PCSK2: variants seen among roughly 807,000 people sequenced by gnomAD.
PCSK2 encodes neuroendocrine convertase 2.
A neutral mutation model predicts 69.7 loss-of-function variants in PCSK2; 14 were observed. That is an observed-to-expected ratio of 0.20 (90% CI 0.13 to 0.31). The LOEUF (loss-of-function observed/expected upper bound fraction) is 0.31, where lower values mean the gene tolerates loss of function less well. Among genes scored for constraint, PCSK2 ranks in the 10% least tolerant of loss-of-function variants. The pLI, the probability that PCSK2 is intolerant of heterozygous loss-of-function variation, is 1.00. For synonymous variants in PCSK2, 307 were observed against 320.7 expected (o/e 0.96, Z 0.46); for missense variants, 544 against 842.5 (o/e 0.65, Z 4.39).
intron 1 of PCSK2, among the ~76,000 whole-genome samples, chr20:17,237,367 G>A (rs1380423454): frequency 3.3e-5 from 5 of 152,226 alleles, no homozygotes; most frequent in African/African-American, 1.2e-4. Flanking sequence ...GCTATGGCAA[G>A]AAATAGGATT....
At chr20:17,271,969 A>G (rs938300638) in intron 2 of PCSK2, among the ~76,000 whole-genome samples, 20 of 152,112 alleles carry the variant, frequency 1.3e-4, no homozygotes, top group Non-Finnish European at 2.6e-4. Context: ...AAGGTAGTCC[A>G]CATAAAAGTT....
intron 2 of PCSK2, among the ~76,000 whole-genome samples, chr20:17,312,049 A>G (rs1989533648): frequency 1.3e-5 from 2 of 152,206 alleles, no homozygotes; most frequent in African/African-American, 4.8e-5. Flanking sequence ...TGCAACCTCT[A>G]TTATTGAGAA....
At position 17,482,150 on chromosome 20, in the gene PCSK2, A is replaced by C. The variant is rs1271683237; in HGVS notation, c.*80A>C. 1.5e-6 allele frequency: 2 copies of C among 1,353,668 alleles called. No individual in the cohort carries two copies. Among genetic ancestry groups the C allele is most frequent in the East Asian group, 4.8e-5 (2 of 41,526 alleles). The allele number at this position is 1,353,668 out of a possible 1,614,324, so 83.9% of individuals were successfully genotyped here. A position where few individuals can be genotyped will look rare whatever the true frequency, so the allele number is the denominator to read the frequency against. On this transcript the variant is annotated 3_prime_UTR_variant, in exon 12 of 12. Transcript: ENST00000262545. Reference sequence around the variant, plus strand: ...CGCTCCACGTTTCAGGCAGGCACCTAGCAATTCCATCACCCGTACAGGCAA... The same window carrying C: ...CGCTCCACGTTTCAGGCAGGCACCTCGCAATTCCATCACCCGTACAGGCAA...
chr20:17,414,662 G>T (rs978031618), intron 6 of PCSK2, among the ~76,000 whole-genome samples: 5 of 152,054 alleles, frequency 3.3e-5, no homozygotes, highest in African/African-American at 1.2e-4. Flanking sequence ...AGAAAAAGAG[G>T]GAATCCTCCC....
At chr20:17,467,725 A>G (rs1028838938) in intron 11 of PCSK2, among the ~76,000 whole-genome samples, 1 of 152,194 alleles carries the variant, frequency 6.6e-6, no homozygotes, top group Non-Finnish European at 1.5e-5. Context: ...TTTCCTCACC[A>G]GTAAAACGGA....
At chr20:17,294,119 T>TTG (rs1221384854) in intron 2 of PCSK2, among the ~76,000 whole-genome samples, 4 of 146,938 alleles carry the variant, frequency 2.7e-5, no homozygotes, top group African/African-American at 1.0e-4. Flanking sequence ...TTTTTTTTTT[T>TTG]TTTGAGACGG....
chr20:17,303,521 A>ATATT (rs1491120307), intron 2 of PCSK2, among the ~76,000 whole-genome samples: 5 of 80,700 alleles, frequency 6.2e-5, no homozygotes, highest in Non-Finnish European at 8.6e-5. Context: ...TATATAATAT[A>ATATT]ATATATATTA....
chr20:17,479,260 G>C (rs3790337), intron 11 of PCSK2: 12 of 1,136,978 alleles, frequency 1.1e-5, no homozygotes, highest in Non-Finnish European at 4.0e-6. Context: ...GCTTTTCCCA[G>C]CTTAGGCAGA....
intron 2 of PCSK2, among the ~76,000 whole-genome samples, chr20:17,279,861 T>C (rs1988238753): frequency 6.6e-6 from 1 of 152,180 alleles, no homozygotes; most frequent in African/African-American, 2.4e-5. Context: ...AATTGCTGAT[T>C]GTATTCTTGA....
chr20:17,227,495 A>C lies in PCSK2; in HGVS notation c.177+13A>C. The C allele has an allele frequency of 6.2e-7, 1 of 1,607,630 alleles. No homozygotes were observed. Among genetic ancestry groups the C allele is most frequent in the Non-Finnish European group, 8.5e-7 (1 of 1,174,786 alleles). The stretch of plus-strand genomic sequence containing the variant: ...TGGAGTCCGAAAGGTAAGCTCTCCC[A>C]TGCATTTCGCATGTTGTTTCAAAAC... On this transcript the variant is annotated intron_variant, in intron 1 of 11. Coordinates refer to ENST00000262545, the MANE Select transcript of PCSK2 (RefSeq NM_002594.5).
intron 8 of PCSK2, among the ~76,000 whole-genome samples, chr20:17,443,919 A>T (rs980773958): frequency 3.3e-5 from 5 of 152,178 alleles, no homozygotes; most frequent in African/African-American, 1.2e-4. Flanking sequence ...ACATTATTTC[A>T]CATTTGACTT....
At chr20:17,268,110 T>G (rs1441277258) in intron 2 of PCSK2, among the ~76,000 whole-genome samples, 1 of 148,714 alleles carries the variant, frequency 6.7e-6, no homozygotes, top group Non-Finnish European at 1.5e-5. Context: ...TGATTATATG[T>G]GTATGCTTAT....
At chr20:17,422,019 A>C (rs1248853877) in intron 6 of PCSK2, among the ~76,000 whole-genome samples, 1 of 152,144 alleles carries the variant, frequency 6.6e-6, no homozygotes, top group Admixed American at 6.5e-5. Flanking sequence ...TCAGAGTGAT[A>C]AATGCATGGG....
chr20:17,425,862 G>T (rs935037338), intron 6 of PCSK2, among the ~76,000 whole-genome samples: 1 of 152,090 alleles, frequency 6.6e-6, no homozygotes, highest in Non-Finnish European at 1.5e-5. Context: ...TATGGGCCAG[G>T]TTAACAAATA....
chr20:17,335,700 G>A (rs1990330226), intron 2 of PCSK2, among the ~76,000 whole-genome samples: 3 of 150,918 alleles, frequency 2.0e-5, no homozygotes, highest in Non-Finnish European at 2.9e-5. Flanking sequence ...GTATGCCTTT[G>A]TGTCCTCATA....
intron 5 of PCSK2, among the ~76,000 whole-genome samples, chr20:17,395,151 C>T (rs1368319762): frequency 1.3e-5 from 2 of 152,192 alleles, no homozygotes; most frequent in Non-Finnish European, 2.9e-5. Flanking sequence ...ACTCTATTTG[C>T]ATCTTCTCTT....
chr20:17,405,238 GT>G (rs969376608), intron 5 of PCSK2, among the ~76,000 whole-genome samples: 4 of 152,316 alleles, frequency 2.6e-5, no homozygotes, highest in African/African-American at 9.6e-5. Context: ...AACCAAGTCT[GT>G]TTGACTTGAA....
chr20:17,227,118 C>T lies in PCSK2; in HGVS notation c.-188C>T, dbSNP rs1314057811. The T allele has an allele frequency of 1.8e-6, 1 of 562,176 alleles. No homozygotes were observed. The highest frequency in any genetic ancestry group is 3.1e-6 in the Non-Finnish European group (1 of 319,338). The allele number at this position is 562,176 out of a possible 1,614,324, so 34.8% of individuals were successfully genotyped here. ...CCGGGCCGCCTGACTGCACGGCTTC[C>T]CCTCCAGCCAGATGCTGGAGAACAC... On this transcript the variant is annotated 5_prime_UTR_variant, in exon 1 of 12. Transcript: ENST00000262545.
chr20:17,404,176 C>T (rs1435427918), intron 5 of PCSK2, among the ~76,000 whole-genome samples: 1 of 152,196 alleles, frequency 6.6e-6, no homozygotes, highest in Non-Finnish European at 1.5e-5. Flanking sequence ...TGGCGCAATG[C>T]ACAACCTGCA....
Sources: allele counts gnomAD v4.1 joint callset (sites outside exome capture counted in the v4.1 genomes callset), GRCh38; gene constraint gnomAD v4.1.1; transcripts MANE v1.5; gene names NCBI Gene and HGNC (gene_info 2026-07-23, HGNC 2026-07-21).